The following CCNJL variants were observed in gnomAD, a reference collection of about 807,000 sequenced individuals.
The protein encoded by CCNJL is cyclin J like.
In CCNJL, 33 loss-of-function variants were observed where a neutral mutation model predicts 33.4. The ratio of observed to expected loss-of-function variants is 0.99; its 90% CI spans 0.75 to 1.32. The LOEUF (loss-of-function observed/expected upper bound fraction) is 1.32, where lower values mean the gene tolerates loss of function less well. Ranked by LOEUF, CCNJL falls within the 40% of genes most tolerant of loss-of-function variation. The pLI, the probability that CCNJL is intolerant of heterozygous loss-of-function variation, is 0.00. For missense variants in CCNJL, 512 were observed against 499.7 expected (o/e 1.02, Z -0.23); for synonymous variants, 227 against 220.9 (o/e 1.03, Z -0.24).
At chr5:160,310,275 G>T (rs1763220311) in intron 2 of CCNJL, among the ~76,000 whole-genome samples, 1 of 152,176 alleles carries the variant, frequency 6.6e-6, no homozygotes, top group Admixed American at 6.5e-5. Context: ...GAACCAACAA[G>T]ACCTGGATTT....
chr5:160,269,509 G>T, intron 3 of CCNJL: 1 of 456,506 alleles, frequency 2.2e-6, no homozygotes, highest in South Asian at 1.5e-5. Context: ...TGCGCTGAAC[G>T]TGTGGGCACT....
upstream of CCNJL, among the ~76,000 whole-genome samples, chr5:160,316,639 G>A (rs936388843): frequency 2.0e-5 from 3 of 152,050 alleles, no homozygotes; most frequent in African/African-American, 7.2e-5. Flanking sequence ...TGTTTCCTTC[G>A]GAAGTGATTT....
chr5:160,276,786 T>TCTC (rs200480135), intron 3 of CCNJL, among the ~76,000 whole-genome samples: 1 of 149,808 alleles, frequency 6.7e-6, no homozygotes, highest in African/African-American at 2.5e-5. Context: ...TTTATCTCTC[T>TCTC]TTTTTTTTCT....
At chr5:160,278,784 C>T (rs1762106567) in intron 3 of CCNJL, among the ~76,000 whole-genome samples, 1 of 152,254 alleles carries the variant, frequency 6.6e-6, no homozygotes, top group Non-Finnish European at 1.5e-5. Context: ...AGATCACAGA[C>T]AGCAGCAGGC....
At chr5:160,304,821 TC>T (rs1415674534) in intron 2 of CCNJL, among the ~76,000 whole-genome samples, 41 of 124,380 alleles carry the variant, frequency 3.3e-4, no homozygotes, top group African/African-American at 1.4e-3. Context: ...CTACTTTCTT[TC>T]TTTTTTTTTT....
chr5:160,259,412 G>T, intron 4 of CCNJL, 57 bp downstream of exon 4: 1 of 1,513,644 alleles, frequency 6.6e-7, no homozygotes, highest in South Asian at 1.2e-5. Flanking sequence ...GCCTGACCCC[G>T]ACCCCTGGGT....
Position 160,278,202 on chromosome 5 carries a change from G to A in CCNJL, c.280+2323C>T, listed in dbSNP as rs1283247162. Among the ~76,000 whole-genome samples, 3 of 152,284 alleles carry A rather than the reference G, an allele frequency of 2.0e-5. No individual in the cohort carries two copies. In the East Asian group the frequency reaches 5.8e-4, roughly 29 times the overall value. On this transcript the variant is annotated intron_variant, in intron 3 of 5. Transcript: ENST00000257536. The stretch of plus-strand genomic sequence containing the variant: ...TTTAGGAGAGACAAGGTTTCATCAT[G>A]TTGGCTGGGCTGATCTCAAACTCCT...
Position 160,303,943 on chromosome 5 carries a change from C to T in CCNJL, c.66+7915G>A, listed in dbSNP as rs373650240. Among the ~76,000 whole-genome samples, 1,089 of 144,964 alleles carry T rather than the reference C, an allele frequency of 7.5e-3. 12 individuals carry two copies. Among genetic ancestry groups the T allele is most frequent in the African/African-American group, 0.027 (1,032 of 38,396 alleles). On this transcript the variant is annotated intron_variant, in intron 2 of 5. Transcript: ENST00000257536. ...TTAAATGTCCTCCACTCCCTTAGCA[C>T]AGGCTTCCCCAGCCAACCAGGGTGC... is the stretch of plus-strand genomic sequence containing the variant.
chr5:160,266,643 G>A (rs931149174), intron 3 of CCNJL, among the ~76,000 whole-genome samples: 5 of 152,158 alleles, frequency 3.3e-5, no homozygotes, highest in African/African-American at 4.8e-5. Flanking sequence ...GTAACATGAC[G>A]GGCATGTGGG....
In CCNJL at chr5:160,280,496, CGCGGAGGAA is replaced by C; in HGVS notation, c.280+20_280+28del. The C allele has an allele frequency of 2.6e-6, 4 of 1,559,734 alleles. No homozygotes were observed. Among genetic ancestry groups the C allele is most frequent in the Non-Finnish European group, 3.5e-6 (4 of 1,136,272 alleles). Reference sequence around the variant, plus strand: ...ACTGAGCGGGAGGAGACCGCACAAGCGCGGAGGAAGACGTAGGTTTTCGCTTACTTGCAA... The same window carrying C: ...ACTGAGCGGGAGGAGACCGCACAAGCGACGTAGGTTTTCGCTTACTTGCAA... On this transcript the variant is annotated intron_variant, in intron 3 of 5. Coordinates refer to ENST00000257536, the MANE Select transcript of CCNJL (RefSeq NM_001308173.3).
intron 2 of CCNJL, among the ~76,000 whole-genome samples, chr5:160,310,064 T>G (rs185219616): frequency 3.2e-4 from 48 of 152,312 alleles, no homozygotes; most frequent in African/African-American, 1.1e-3. Context: ...CATTTATTGC[T>G]CTTAGAAATC....
At chr5:160,272,330 AG>A (rs1338195129) in intron 3 of CCNJL, among the ~76,000 whole-genome samples, 1 of 152,136 alleles carries the variant, frequency 6.6e-6, no homozygotes, top group Non-Finnish European at 1.5e-5. Flanking sequence ...GTTTACTGGG[AG>A]GAAGACAGGC....
At chr5:160,319,507 A>G (rs1382918846) in intron 1 of CCNJL, among the ~76,000 whole-genome samples, 2 of 152,032 alleles carry the variant, frequency 1.3e-5, no homozygotes, top group African/African-American at 4.8e-5. Flanking sequence ...GTTCTCCCAC[A>G]CCTGCATCTA....
At chr5:160,320,620 G>T (rs1763428016) in intron 1 of CCNJL, among the ~76,000 whole-genome samples, 1 of 152,208 alleles carries the variant, frequency 6.6e-6, no homozygotes, top group Non-Finnish European at 1.5e-5. Context: ...CTGCATCCAG[G>T]GTGGGGAGCC....
At chr5:160,262,791 C>T (rs766393464) in intron 3 of CCNJL, among the ~76,000 whole-genome samples, 62 of 152,230 alleles carry the variant, frequency 4.1e-4, no homozygotes, top group Non-Finnish European at 6.6e-4. Context: ...TTATGAGTTT[C>T]CTGATGCTGC....
chr5:160,321,120 T>TC (rs1763457710), intron 1 of CCNJL, among the ~76,000 whole-genome samples: 1 of 150,158 alleles, frequency 6.7e-6, no homozygotes, highest in Non-Finnish European at 1.5e-5. Flanking sequence ...CTCTTTTTTT[T>TC]CCACCATGTG....
At chr5:160,289,984 T>C (rs1561795291) in intron 2 of CCNJL, among the ~76,000 whole-genome samples, 1 of 152,276 alleles carries the variant, frequency 6.6e-6, no homozygotes, top group East Asian at 1.9e-4. Flanking sequence ...CACTGCTGCA[T>C]AGCCGGGGAG....
In CCNJL at chr5:160,326,955, A is replaced by G. The variant is rs572084183; in HGVS notation, n.207-11450T>C. On this transcript the variant is annotated intron_variant and non_coding_transcript_variant, in intron 1 of 7. Coordinates refer to the CCNJL transcript ENST00000377503. ...TAAAAGGACATAATATTACTCTGCTACGAAGTTTCTCCAACTAGAAATGAA... is the reference window on the plus strand; with the variant it reads ...TAAAAGGACATAATATTACTCTGCTGCGAAGTTTCTCCAACTAGAAATGAA... 2.0e-5 allele frequency: 12 copies of G among 606,556 alleles called. No homozygotes were observed. The East Asian group carries it at 4.4e-4, about 22-fold the overall frequency. The allele number at this position is 606,556 out of a possible 1,614,324, so 37.6% of individuals were successfully genotyped here. A position where few individuals can be genotyped will look rare whatever the true frequency, so the allele number is the denominator to read the frequency against.
intron 4 of CCNJL, 65 bp from the exon 5 acceptor site, chr5:160,255,773 G>T: frequency 1.4e-6 from 2 of 1,386,694 alleles, no homozygotes; most frequent in Non-Finnish European, 2.0e-6. Flanking sequence ...GGCCCACCCT[G>T]AGAATGGATG....
Sources: gnomAD v4.1 joint callset for allele counts (sites outside exome capture counted in the v4.1 genomes callset) on GRCh38, gnomAD v4.1.1 for gene constraint, MANE v1.5 for transcripts, NCBI Gene and HGNC (gene_info 2026-07-23, HGNC 2026-07-21) for gene names.